Variants in GPC6 observed in about 807,000 individuals in gnomAD.
The protein encoded by GPC6 is glypican-6.
A neutral mutation model predicts 55.2 loss-of-function variants in GPC6; 14 were observed. That is an observed-to-expected ratio of 0.25 (90% CI 0.17 to 0.40). GPC6 has a LOEUF of 0.40. GPC6 is among the 10% of genes least tolerant of loss of function. The probability of loss-of-function intolerance (pLI) is 1.00; values close to 1 mark genes in which losing one functional copy is unlikely to be tolerated. For missense variants in GPC6, 641 were observed against 708.5 expected (o/e 0.90, Z 1.08); for synonymous variants, 278 against 259.6 (o/e 1.07, Z -0.68).
intron 4 of GPC6, among the ~76,000 whole-genome samples, chr13:94,218,041 A>T (rs546838610): frequency 2.0e-5 from 3 of 152,160 alleles, no homozygotes; most frequent in Non-Finnish European, 4.4e-5. Context: ...TAATGGTTCT[A>T]TATTGAATTT....
At chr13:93,623,317 T>A (rs1017633276) in intron 2 of GPC6, among the ~76,000 whole-genome samples, 2 of 152,150 alleles carry the variant, frequency 1.3e-5, no homozygotes, top group African/African-American at 4.8e-5. Context: ...ATCACATGGT[T>A]ATTTCACTTT....
chr13:93,640,799 C>T (rs1417113668), intron 2 of GPC6, among the ~76,000 whole-genome samples: 1 of 83,654 alleles, frequency 1.2e-5, no homozygotes, highest in African/African-American at 3.8e-5. Context: ...CTTCCTCCTT[C>T]CTTCCTTCCT....
chr13:94,329,108 C>T (rs1334424839), intron 6 of GPC6, among the ~76,000 whole-genome samples: 39 of 152,166 alleles, frequency 2.6e-4, no homozygotes, highest in Admixed American at 2.6e-3. Flanking sequence ...TTTGAAAGAG[C>T]TGGTTAGTAT....
At chr13:93,720,504 T>C (rs1028864043) in intron 2 of GPC6, among the ~76,000 whole-genome samples, 1 of 151,994 alleles carries the variant, frequency 6.6e-6, no homozygotes, top group African/African-American at 2.4e-5. Flanking sequence ...TTTGTTAATC[T>C]TTTCAAGAAA....
At chr13:93,465,343 C>T (rs2590552) in intron 1 of GPC6, among the ~76,000 whole-genome samples, 3 of 152,030 alleles carry the variant, frequency 2.0e-5, no homozygotes, top group African/African-American at 4.8e-5. Flanking sequence ...CCACTGGAAG[C>T]GTGTTTTATC....
intron 3 of GPC6, among the ~76,000 whole-genome samples, chr13:93,928,553 G>A (rs965616179): frequency 2.6e-5 from 4 of 152,046 alleles, no homozygotes; most frequent in African/African-American, 9.7e-5. Context: ...ACAGAAGTAA[G>A]GAAAATAAGG....
chr13:93,903,254 A>G (rs527676554), intron 3 of GPC6, among the ~76,000 whole-genome samples: 32 of 152,260 alleles, frequency 2.1e-4, no homozygotes, highest in Non-Finnish European at 3.7e-4. Flanking sequence ...TAGCCCTTTG[A>G]CTGTTCTTTT....
At chr13:93,812,032 A>T (rs533933196) in intron 2 of GPC6, among the ~76,000 whole-genome samples, 1 of 151,456 alleles carries the variant, frequency 6.6e-6, no homozygotes, top group Admixed American at 6.6e-5. Flanking sequence ...ATATTCAGTG[A>T]AGTGGTGTTA....
intron 3 of GPC6, among the ~76,000 whole-genome samples, chr13:93,845,190 C>G (rs929860309): frequency 4.6e-5 from 7 of 152,022 alleles, no homozygotes; most frequent in Non-Finnish European, 8.8e-5. Flanking sequence ...ACAGACACTT[C>G]TCAAAAGAAG....
At chr13:94,040,292 A>G (rs1883485340) in intron 4 of GPC6, among the ~76,000 whole-genome samples, 1 of 151,836 alleles carries the variant, frequency 6.6e-6, no homozygotes, top group African/African-American at 2.4e-5. Context: ...CTGTGGCATG[A>G]TTGTCACCAA....
intron 2 of GPC6, among the ~76,000 whole-genome samples, chr13:93,633,244 C>G (rs1396599951): frequency 1.3e-5 from 2 of 152,182 alleles, no homozygotes; most frequent in Non-Finnish European, 1.5e-5. Context: ...GGTTCAGAAT[C>G]ATGGGACACT....
chr13:93,233,590 A>G (rs1307822893), intron 1 of GPC6, among the ~76,000 whole-genome samples: 1 of 152,214 alleles, frequency 6.6e-6, no homozygotes, highest in Non-Finnish European at 1.5e-5. Flanking sequence ...ACTGAGATAA[A>G]TGCATAGCAC....
intron 2 of GPC6, among the ~76,000 whole-genome samples, chr13:93,651,862 T>G (rs575776874): frequency 1.3e-5 from 2 of 152,116 alleles, no homozygotes; most frequent in Non-Finnish European, 2.9e-5. Context: ...CCGACGTCCA[T>G]ATTCCACTCC....
At chr13:93,617,237 G>A (rs1878759786) in intron 2 of GPC6, among the ~76,000 whole-genome samples, 1 of 152,028 alleles carries the variant, frequency 6.6e-6, no homozygotes, top group African/African-American at 2.4e-5. Context: ...TTACTTAAAG[G>A]AAATTTATAA....
Position 94,202,078 on chromosome 13 carries a change from G to A in GPC6, c.878-84271G>A, listed in dbSNP as rs150877874. On this transcript the variant is annotated intron_variant, in intron 4 of 8. Transcript: ENST00000377047. The stretch of plus-strand genomic sequence containing the variant: ...CCTGGCATTTATGTATTGCCATGTA[G>A]CTCTAGTTTTCTTCAAATGAATTAA... 5.2e-3 allele frequency among the ~76,000 whole-genome samples: 788 copies of A among 152,256 alleles called. 3 individuals are homozygous for A. The highest frequency in any genetic ancestry group is 7.9e-3 in the Non-Finnish European group (537 of 68,032).
chr13:94,241,173 G>A (rs1215276567), intron 4 of GPC6, among the ~76,000 whole-genome samples: 2 of 152,114 alleles, frequency 1.3e-5, no homozygotes, highest in Non-Finnish European at 2.9e-5. Flanking sequence ...GAAGATAGCT[G>A]CCTACAAGCC....
intron 4 of GPC6, among the ~76,000 whole-genome samples, chr13:94,061,361 C>A (rs1163848639): frequency 3.3e-5 from 5 of 152,046 alleles, no homozygotes; most frequent in Non-Finnish European, 7.4e-5. Flanking sequence ...TTAAACAAGA[C>A]AAGAAAGCAG....
intron 1 of GPC6, among the ~76,000 whole-genome samples, chr13:93,446,454 T>A (rs766437338): frequency 6.6e-6 from 1 of 152,028 alleles, no homozygotes; most frequent in Non-Finnish European, 1.5e-5. Flanking sequence ...AGGGTATTAG[T>A]AGCTGCTAGG....
chr13:94,223,902 G>A (rs950839180), intron 4 of GPC6, among the ~76,000 whole-genome samples: 1 of 152,168 alleles, frequency 6.6e-6, no homozygotes, highest in Non-Finnish European at 1.5e-5. Flanking sequence ...CTTGCACAGA[G>A]CAGTGCTAGA....
Sources: gnomAD v4.1 joint callset for allele counts (sites outside exome capture counted in the v4.1 genomes callset) on GRCh38, gnomAD v4.1.1 for gene constraint, MANE v1.5 for transcripts, NCBI Gene and HGNC (gene_info 2026-07-23, HGNC 2026-07-21) for gene names.